Variants in PHLDB2 observed in about 807,000 individuals in gnomAD.
PHLDB2 encodes pleckstrin homology-like domain family B member 2.
A neutral mutation model predicts 123.6 loss-of-function variants in PHLDB2; 71 were observed. That is an observed-to-expected ratio of 0.57 (90% CI 0.47 to 0.70). The LOEUF is 0.70. Ranked by LOEUF, PHLDB2 falls within the 30% of genes least tolerant of loss-of-function variation. The pLI is 0.00. For synonymous variants in PHLDB2, 547 were observed against 541.6 expected, an observed-to-expected ratio of 1.01 and a Z score of -0.14; for missense variants, 1,446 against 1,519.5, an observed-to-expected ratio of 0.95 and a Z score of 0.80.
intron 1 of PHLDB2, among the ~76,000 whole-genome samples, chr3:111,748,391 G>A (rs143258955): frequency 1.1e-4 from 16 of 152,272 alleles, no homozygotes; most frequent in Middle Eastern, 3.4e-3. Flanking sequence ...TTTGGGCTTG[G>A]GCTTTCTTTA....
rs765690660 is a variant in PHLDB2 at position 111,913,614 on chromosome 3, T to G, written c.1631T>G (p.Leu544Arg). 1 of 1,614,122 alleles carries G rather than the reference T, an allele frequency of 6.2e-7. No individual in the cohort carries two copies. The highest frequency in any genetic ancestry group is 1.1e-5 in the South Asian group (1 of 91,078). ...TPRSTRNDELLSDLTRTPPPP... is the reference protein window; with the variant it reads ...TPRSTRNDELRSDLTRTPPPP... ...AGGAGCACCAGGAATGATGAACTAC[T>G]CAGTGACCTCACCCGGACTCCTCCA... is the stretch of plus-strand genomic sequence containing the variant. The change falls in exon 3 of 18, where the codon CTC (leucine) becomes CGC (arginine). Residue 544 changes from leucine to arginine, a missense_variant. Coordinates refer to ENST00000431670, the MANE Select transcript of PHLDB2 (RefSeq NM_001134438.2).
chr3:111,743,394 G>A (rs978348682), intron 1 of PHLDB2, among the ~76,000 whole-genome samples: 3 of 152,150 alleles, frequency 2.0e-5, no homozygotes, highest in Admixed American at 6.6e-5. Context: ...TCCAGGGCTC[G>A]CATGCTCTCC....
chr3:111,738,683 C>A (rs1247446432), intron 1 of PHLDB2, among the ~76,000 whole-genome samples: 1 of 151,908 alleles, frequency 6.6e-6, no homozygotes, highest in Admixed American at 6.6e-5. Flanking sequence ...TGTATGTGTA[C>A]TTTTAATCAT....
At chr3:111,834,779 A>G (rs1329743537) in intron 1 of PHLDB2, among the ~76,000 whole-genome samples, 1 of 152,040 alleles carries the variant, frequency 6.6e-6, no homozygotes, top group East Asian at 1.9e-4. Flanking sequence ...ATCAAAGACT[A>G]TGGAAATTTC....
intron 1 of PHLDB2, among the ~76,000 whole-genome samples, chr3:111,751,406 A>C (rs1032329834): frequency 2.6e-5 from 4 of 152,046 alleles, no homozygotes; most frequent in African/African-American, 9.7e-5. Context: ...ACTTATTACC[A>C]CCTATGTTCT....
At chr3:111,973,855 C>A in intron 17 of PHLDB2, 38 bp downstream of exon 17, 2 of 1,247,956 alleles carry the variant, frequency 1.6e-6, no homozygotes, top group Non-Finnish European at 2.3e-6. Context: ...AATTTGAATG[C>A]ATAATTAAGA....
chr3:111,871,498 A>AG (rs1468402868), intron 1 of PHLDB2, among the ~76,000 whole-genome samples: 1 of 152,020 alleles, frequency 6.6e-6, no homozygotes, highest in Non-Finnish European at 1.5e-5. Flanking sequence ...AAGTACAAAA[A>AG]AAAAAAATAG....
chr3:111,831,030 AAAGGAAGGAAGG>A lies in PHLDB2; in HGVS notation c.-48-14787_-48-14776del, dbSNP rs146504275. The stretch of plus-strand genomic sequence containing the variant: ...GAAAGAAAGAAAGAAAGAAAGAAAG[AAAGGAAGGAAGG>A]AAGAAAGAGAAAAGAGAGAGATAGA... On this transcript the variant is annotated intron_variant, in intron 1 of 17. Transcript: ENST00000393923. Among the ~76,000 whole-genome samples, 160 of 72,052 alleles carry A rather than the reference AAAGGAAGGAAGG, an allele frequency of 2.2e-3. 22 individuals carry two copies. Among genetic ancestry groups the A allele is most frequent in the African/African-American group, 4.2e-3 (68 of 16,342 alleles). 47.3% of individuals were successfully genotyped at this position (72,052 alleles called of 152,430 possible).
intron 9 of PHLDB2, among the ~76,000 whole-genome samples, chr3:111,948,680 G>C (rs2107624861): frequency 6.6e-6 from 1 of 152,184 alleles, no homozygotes; most frequent in Non-Finnish European, 1.5e-5. Context: ...AGAAGATTTT[G>C]GGTTATTTAT....
Position 111,784,919 on chromosome 3 carries a change from G to C in PHLDB2, c.-49+52216G>C, listed in dbSNP as rs141176348. Among the ~76,000 whole-genome samples the C allele has an allele frequency of 1.8e-3, 280 of 152,120 alleles. 1 individual carries two copies. Among genetic ancestry groups the C allele is most frequent in the African/African-American group, 6.4e-3 (267 of 41,526 alleles). On this transcript the variant is annotated intron_variant, in intron 1 of 17. Coordinates refer to the PHLDB2 transcript ENST00000393923. The stretch of plus-strand genomic sequence containing the variant: ...ATTTTGATATTATAAGTAGTGCTAT[G>C]ATAAGACTCTTTGCACACATTTTTA...
rs897671242 is a variant in PHLDB2 at position 111,969,594 on chromosome 3, C to G, written c.3316-96C>G. The G allele has an allele frequency of 1.2e-5, 12 of 961,450 alleles. No individual in the cohort carries two copies. The African/African-American group carries it at 1.5e-4, about 12-fold the overall frequency. 59.6% of individuals were successfully genotyped at this position (961,450 alleles called of 1,614,324 possible). ...TTTTAATCATATAGGCATTTTAAAG[C>G]TTAGGTTTTACAGTTAATTTCTGCT... On this transcript the variant is annotated intron_variant, in intron 15 of 17. Coordinates refer to ENST00000431670, the MANE Select transcript of PHLDB2 (RefSeq NM_001134438.2).
intron 13 of PHLDB2, 74 bp from the exon 14 acceptor site, chr3:111,966,536 GTGT>G (rs1199300299): frequency 8.3e-6 from 7 of 847,562 alleles, no homozygotes; most frequent in African/African-American, 3.5e-5. Flanking sequence ...GGGTGTGTGT[GTGT>G]GTGTGTGTGT....
intron 2 of PHLDB2, among the ~76,000 whole-genome samples, chr3:111,890,994 G>A (rs778699070): frequency 6.6e-6 from 1 of 152,140 alleles, no homozygotes; most frequent in Non-Finnish European, 1.5e-5. Context: ...AAGTACAAGT[G>A]AGGTTCTCAA....
At chr3:111,827,942 C>A (rs2062748035) in intron 1 of PHLDB2, among the ~76,000 whole-genome samples, 1 of 152,124 alleles carries the variant, frequency 6.6e-6, no homozygotes, top group Non-Finnish European at 1.5e-5. Context: ...AAAATGTCAC[C>A]TTCATTACTA....
At chr3:111,881,562 T>TA (rs1200102068) in intron 1 of PHLDB2, among the ~76,000 whole-genome samples, 1 of 152,214 alleles carries the variant, frequency 6.6e-6, no homozygotes, top group Non-Finnish European at 1.5e-5. Context: ...ACAAAATTAT[T>TA]ACAGTAGTAT....
At chr3:111,862,398 C>T (rs2064876868) in intron 1 of PHLDB2, among the ~76,000 whole-genome samples, 1 of 152,148 alleles carries the variant, frequency 6.6e-6, no homozygotes, top group South Asian at 2.1e-4. Context: ...TCCTGACATA[C>T]ATTAGAGCTG....
At chr3:111,753,292 A>G (rs1325386502) in intron 1 of PHLDB2, among the ~76,000 whole-genome samples, 7 of 148,760 alleles carry the variant, frequency 4.7e-5, no homozygotes, top group African/African-American at 1.5e-4. Context: ...CTATTTCTCC[A>G]CATCCTCTCC....
intron 1 of PHLDB2, among the ~76,000 whole-genome samples, chr3:111,769,525 G>T (rs1049792862): frequency 1.3e-5 from 2 of 152,152 alleles, no homozygotes; most frequent in African/African-American, 4.8e-5. Flanking sequence ...TCAGGTGTTT[G>T]TTGGAGTCTG....
In PHLDB2 at chr3:111,873,992, G is replaced by C. The variant is rs549414618; in HGVS notation, c.-14-10072G>C. On this transcript the variant is annotated intron_variant, in intron 1 of 17. Transcript: ENST00000431670. ...TTACAGTCCTAGATTTTAAAAAACGGTGTTATAGAAAATAATGATTTTTCC... is the reference window on the plus strand; with the variant it reads ...TTACAGTCCTAGATTTTAAAAAACGCTGTTATAGAAAATAATGATTTTTCC... Among the ~76,000 whole-genome samples the C allele has an allele frequency of 2.0e-5, 3 of 152,240 alleles. No homozygotes were observed. The East Asian group carries it at 5.8e-4, about 29-fold the overall frequency.
Sources: gnomAD v4.1 joint callset for allele counts (sites outside exome capture counted in the v4.1 genomes callset) on GRCh38, gnomAD v4.1.1 for gene constraint, MANE v1.5 for transcripts, NCBI Gene and HGNC (gene_info 2026-07-23, HGNC 2026-07-21) for gene names.